The following TCF12 variants were observed in gnomAD, a reference collection of about 807,000 sequenced individuals.
TCF12 encodes the protein DNA-binding protein HTF4.
TCF12 carries 45 observed loss-of-function variants against 86.0 expected under a neutral mutation model. That is an observed-to-expected ratio of 0.52 (90% CI 0.41 to 0.67). The LOEUF (loss-of-function observed/expected upper bound fraction) is 0.67. Ranked by LOEUF, TCF12 falls within the 30% of genes least tolerant of loss-of-function variation. The probability of loss-of-function intolerance (pLI) is 0.00; values close to 1 mark genes in which losing one functional copy is unlikely to be tolerated. For synonymous variants in TCF12, 330 were observed against 299.6 expected (o/e 1.10, Z -1.05); for missense variants, 881 against 859.9 (o/e 1.02, Z -0.31).
At chr15:57,092,352 G>T (rs982329074) in intron 5 of TCF12, among the ~76,000 whole-genome samples, 1 of 152,148 alleles carries the variant, frequency 6.6e-6, no homozygotes, top group East Asian at 1.9e-4. Context: ...AGATATTGCA[G>T]CATTGTTTTA....
chr15:57,219,700 A>C (rs953578747), intron 8 of TCF12: 3 of 761,506 alleles, frequency 3.9e-6, no homozygotes, highest in Non-Finnish European at 6.0e-6. Context: ...CTTTTATGCA[A>C]TGTATTAGAT....
At chr15:56,973,344 G>C (rs1439593006) in intron 3 of TCF12, among the ~76,000 whole-genome samples, 2 of 152,088 alleles carry the variant, frequency 1.3e-5, no homozygotes, top group Non-Finnish European at 2.9e-5. Flanking sequence ...GAGAAAGTCA[G>C]GAGTGCTCAA....
At chr15:57,203,649 T>G (rs2057667268) in intron 8 of TCF12, among the ~76,000 whole-genome samples, 1 of 152,274 alleles carries the variant, frequency 6.6e-6, no homozygotes, top group African/African-American at 2.4e-5. Context: ...ACATGATTGT[T>G]TCTTAATCAA....
chr15:57,283,786 C>T (rs1436069157), intron 20 of TCF12, among the ~76,000 whole-genome samples: 3 of 152,160 alleles, frequency 2.0e-5, no homozygotes, highest in East Asian at 3.8e-4. Flanking sequence ...ATATTAGTAA[C>T]TCACCTTTTC....
chr15:57,053,340 G>T (rs777260559), intron 3 of TCF12, among the ~76,000 whole-genome samples: 1 of 152,134 alleles, frequency 6.6e-6, no homozygotes, highest in Non-Finnish European at 1.5e-5. Flanking sequence ...CTGTTGAATT[G>T]TAGGGGTTTC....
chr15:56,918,163 G>A (rs1228695680), upstream of TCF12: 2 of 455,520 alleles, frequency 4.4e-6, no homozygotes, highest in Non-Finnish European at 8.8e-6. Flanking sequence ...CTCCTGGACG[G>A]GAGCCTCTGG....
intron 5 of TCF12, among the ~76,000 whole-genome samples, chr15:57,116,717 G>A (rs1394920960): frequency 3.3e-5 from 5 of 152,092 alleles, no homozygotes; most frequent in African/African-American, 9.7e-5. Context: ...ATATATGAGA[G>A]CTATAAGATC....
chr15:57,056,632 A>AT (rs1360395279), intron 3 of TCF12, among the ~76,000 whole-genome samples: 4 of 151,002 alleles, frequency 2.6e-5, no homozygotes, highest in Admixed American at 1.3e-4. Flanking sequence ...GCTAATTTTA[A>AT]TTTTTTTGTA....
At chr15:57,087,493 C>G (rs1054981299) in intron 4 of TCF12, among the ~76,000 whole-genome samples, 3 of 151,498 alleles carry the variant, frequency 2.0e-5, no homozygotes, top group African/African-American at 7.3e-5. Flanking sequence ...TTGATCACTT[C>G]AGGTCTGTTG....
chr15:57,142,465 C>CT (rs71113068), intron 5 of TCF12, among the ~76,000 whole-genome samples: 3 of 151,808 alleles, frequency 2.0e-5, no homozygotes, highest in South Asian at 2.1e-4. Context: ...GAAGGATGTG[C>CT]CAAAAGCCAG....
intron 5 of TCF12, among the ~76,000 whole-genome samples, chr15:57,165,024 C>T (rs1596971815): frequency 1.3e-5 from 2 of 152,074 alleles, no homozygotes; most frequent in South Asian, 2.1e-4. Context: ...TATAAATGGG[C>T]GTGGTGACTT....
chr15:56,990,077 A>G (rs1334268246), intron 3 of TCF12, among the ~76,000 whole-genome samples: 2 of 151,562 alleles, frequency 1.3e-5, no homozygotes, highest in African/African-American at 4.9e-5. Flanking sequence ...ATACCTTAAA[A>G]TGTATTCAGC....
intron 13 of TCF12, among the ~76,000 whole-genome samples, chr15:57,250,506 A>G (rs1052853780): frequency 7.2e-5 from 11 of 152,306 alleles, no homozygotes; most frequent in Admixed American, 1.3e-4. Context: ...AGGCGGGTGG[A>G]TCACTTAAGG....
rs2062011781 is a variant in TCF12, at chr15:57,288,754, C to T, written c.*2609C>T. The T allele has an allele frequency of 6.6e-6, 1 of 152,100 alleles. No homozygotes were observed. Among genetic ancestry groups the T allele is most frequent in the Non-Finnish European group, 1.5e-5 (1 of 68,028 alleles). 9.4% of individuals were successfully genotyped at this position (152,100 alleles called of 1,614,324 possible). ...TCACTACTGACGGTGGCCTTTTAAC[C>T]TTTTCCTAAAGATTGACCAAACAGC... On this transcript the variant is annotated 3_prime_UTR_variant, in exon 21 of 21. Transcript: ENST00000333725.
intron 3 of TCF12, among the ~76,000 whole-genome samples, chr15:57,028,079 T>TCAGCCTCCTGAG (rs2065926629): frequency 6.6e-6 from 1 of 152,094 alleles, no homozygotes; most frequent in Non-Finnish European, 1.5e-5. Context: ...TTCTTCTGCC[T>TCAGCCTCCTGAG]CAGCCTCCTG....
At chr15:57,060,083 T>C (rs768760730) in intron 3 of TCF12, among the ~76,000 whole-genome samples, 5 of 152,264 alleles carry the variant, frequency 3.3e-5, no homozygotes, top group Non-Finnish European at 7.3e-5. Context: ...AAGAGTCTTA[T>C]ACTCTGAAAC....
At chr15:57,248,648 G>A (rs531060755) in intron 13 of TCF12, among the ~76,000 whole-genome samples, 8 of 152,326 alleles carry the variant, frequency 5.3e-5, no homozygotes, top group African/African-American at 1.9e-4. Flanking sequence ...AGATTGCCTG[G>A]TGTTAAGTCA....
chr15:57,173,782 A>T (rs1250256666), intron 6 of TCF12, among the ~76,000 whole-genome samples: 2 of 150,942 alleles, frequency 1.3e-5, no homozygotes, highest in Admixed American at 1.3e-4. Context: ...ATCTCGGCTC[A>T]CTACATCCTC....
At chr15:56,999,524 A>G (rs771440417) in intron 3 of TCF12, among the ~76,000 whole-genome samples, 12 of 152,158 alleles carry the variant, frequency 7.9e-5, no homozygotes, top group Admixed American at 1.3e-4. Flanking sequence ...TTGGGACAGT[A>G]ACTACCAAAA....
Sources: allele counts gnomAD v4.1 joint callset (sites outside exome capture counted in the v4.1 genomes callset), GRCh38; gene constraint gnomAD v4.1.1; transcripts MANE v1.5; gene names NCBI Gene and HGNC (gene_info 2026-07-23, HGNC 2026-07-21).